NSD3: variants seen among roughly 807,000 people sequenced by gnomAD.
The protein encoded by NSD3 is nuclear receptor binding SET domain protein 3, also known as histone-lysine N-methyltransferase NSD3.
A neutral mutation model predicts 160.8 loss-of-function variants in NSD3; 24 were observed. The ratio of observed to expected loss-of-function variants is 0.15; its 90% confidence interval spans 0.11 to 0.21. The LOEUF is 0.21. Among genes scored for constraint, NSD3 ranks in the 10% least tolerant of loss-of-function variants. The probability of loss-of-function intolerance (pLI) is 1.00; values close to 1 mark genes in which losing one functional copy is unlikely to be tolerated. For missense variants in NSD3, 1,157 were observed against 1,735.9 expected, an observed-to-expected ratio of 0.67 and a Z score of 5.93; for synonymous variants, 520 against 600.0, an observed-to-expected ratio of 0.87 and a Z score of 1.95.
Position 38,272,820 on chromosome 8 carries a change from A to G in NSD3, c.*2821T>C, listed in dbSNP as rs1412702238. 1.3e-5 allele frequency: 2 copies of G among 152,234 alleles called. No individual in the cohort carries two copies. The highest frequency in any genetic ancestry group is 2.4e-5 in the African/African-American group (1 of 41,462). 9.4% of individuals were successfully genotyped at this position (152,234 alleles called of 1,614,324 possible). A position where few individuals can be genotyped will look rare whatever the true frequency, so the allele number is the denominator to read the frequency against. ...TGAGCAATGTCTTTTGGAATATTTC[A>G]TTGGTGTATCACAGGCACAGTGCAT... On this transcript the variant is annotated 3_prime_UTR_variant, in exon 24 of 24. Transcript: ENST00000317025.
At chr8:38,338,909 A>C (rs1810289866) in intron 2 of NSD3, among the ~76,000 whole-genome samples, 1 of 152,152 alleles carries the variant, frequency 6.6e-6, no homozygotes, top group Non-Finnish European at 1.5e-5. Context: ...TGGGAGGCTA[A>C]GGCAGGCAGA....
intron 17 of NSD3, among the ~76,000 whole-genome samples, chr8:38,290,109 G>A (rs1401901805): frequency 2.0e-5 from 3 of 151,896 alleles, no homozygotes; most frequent in Non-Finnish European, 4.4e-5. Flanking sequence ...CCAGCTACTC[G>A]GGAGGCTGAG....
chr8:38,325,783 G>C (rs1287040518), intron 7 of NSD3, among the ~76,000 whole-genome samples: 1 of 151,962 alleles, frequency 6.6e-6, no homozygotes, highest in Admixed American at 6.6e-5. Flanking sequence ...CCTGAGCCTG[G>C]GAGGTCGAGG....
At chr8:38,323,204 G>A (rs1239341153) in intron 7 of NSD3, among the ~76,000 whole-genome samples, 2 of 151,990 alleles carry the variant, frequency 1.3e-5, no homozygotes, top group Non-Finnish European at 2.9e-5. Context: ...ACAGGCGTGC[G>A]CCACCATGCC....
chr8:38,308,518 A>C (rs1809458798), intron 12 of NSD3, among the ~76,000 whole-genome samples: 1 of 152,214 alleles, frequency 6.6e-6, no homozygotes, highest in Non-Finnish European at 1.5e-5. Context: ...TACTCTCTGT[A>C]AAAATAAAAT....
At chr8:38,311,197 G>T (rs10089177) in intron 12 of NSD3, among the ~76,000 whole-genome samples, 2 of 151,586 alleles carry the variant, frequency 1.3e-5, no homozygotes, top group Non-Finnish European at 2.9e-5. Flanking sequence ...TTACAGGCAT[G>T]AGCCATTGCA....
At chr8:38,371,609 C>T (rs1244503385) in intron 1 of NSD3, among the ~76,000 whole-genome samples, 6 of 152,114 alleles carry the variant, frequency 3.9e-5, no homozygotes, top group Non-Finnish European at 5.9e-5. Context: ...TGCTATTGCA[C>T]TACAGAAAAG....
Position 38,299,573 on chromosome 8 carries a change from G to T in NSD3, c.2629C>A (p.His877Asn), listed in dbSNP as rs1161933636. The part of the protein sequence containing the change: ...VCARGLIVQD[H>N]SDPMFSSYAY... ...TATGAACTGAACATGGGGTCTGAAT[G>T]GTCCTGAACTATCAGCCCTATACGA... Residue 877 changes from histidine to asparagine, a missense_variant, in exon 15 of 24, where the codon CAT becomes AAT. Physicochemically the swap from His to Asn is moderately conservative, Grantham distance 68 (BLOSUM62 1). Coordinates refer to ENST00000317025, the MANE Select transcript of NSD3 (RefSeq NM_023034.2). 2 of 1,605,228 alleles carry T rather than the reference G, an allele frequency of 1.2e-6. No homozygotes were observed. The highest frequency in any genetic ancestry group is 1.7e-6 in the Non-Finnish European group (2 of 1,176,612).
In NSD3 at chr8:38,316,376, T is replaced by C. The variant is rs1809664035; in HGVS notation, c.1856-334A>G. On this transcript the variant is annotated intron_variant, in intron 9 of 23. Transcript: ENST00000317025. The surrounding 1 kb of genome is among the most constrained non-coding windows in gnomAD (Gnocchi z 4.5). ...GGATTTGGAGCAATTCAAAGAACCA[T>C]TCAATTTGGAGGGGGAAGACATAAA... 1 of 1,088,796 alleles carries C rather than the reference T, an allele frequency of 9.2e-7. No individual in the cohort carries two copies. Among genetic ancestry groups the C allele is most frequent in the Non-Finnish European group, 1.1e-6 (1 of 892,354 alleles). 67.4% of individuals were successfully genotyped at this position (1,088,796 alleles called of 1,614,324 possible). A position where few individuals can be genotyped will look rare whatever the true frequency, so the allele number is the denominator to read the frequency against.
Position 38,290,653 on chromosome 8 carries a change from G to A in NSD3, c.2940C>T (p.Asn980=). The change falls in exon 17 of 24, where the codon AAC becomes AAT. Residue 980 remains asparagine, a synonymous_variant. Coordinates refer to ENST00000317025, the MANE Select transcript of NSD3 (RefSeq NM_023034.2). ...NYRWWPAEIC[N]PRSVPLNIQG... ...GGATGTTCAGTGGCACAGACCTGGG[G>A]TTGCAGATCTCTGCTGGCCACCATC... The A allele has an allele frequency of 1.2e-6, 2 of 1,613,882 alleles. No homozygotes were observed. The highest frequency in any genetic ancestry group is 1.1e-5 in the South Asian group (1 of 91,070).
chr8:38,276,383 C>A lies in NSD3; in HGVS notation c.3985G>T (p.Asp1329Tyr), dbSNP rs2130979460. 6.2e-7 allele frequency: 1 copy of A among 1,614,252 alleles called. No individual in the cohort carries two copies. The highest frequency in any genetic ancestry group is 1.3e-5 in the African/African-American group (1 of 75,054). ...MHEDYCFQCG[D>Y]GGELVMCDKK... ...TCACACATGACCAGCTCTCCACCAT[C>A]TCCACATTGAAAACAGTAATCTTCA... The change falls in exon 23 of 24, where the codon GAT (aspartate) becomes TAT (tyrosine). Residue 1329 changes from aspartate (D) to tyrosine (Y), a missense_variant. Around this residue, in one of 10 missense-constraint regions of NSD3, gnomAD observed 222 missense variants for 409.9 expected, o/e 0.54. Transcript: ENST00000317025.
chr8:38,350,976 T>TC (rs1172357481), intron 1 of NSD3, among the ~76,000 whole-genome samples: 1 of 149,778 alleles, frequency 6.7e-6, no homozygotes, highest in African/African-American at 2.4e-5. Context: ...GAAAGTTCTT[T>TC]TTTTTTTTTT....
intron 7 of NSD3, among the ~76,000 whole-genome samples, chr8:38,323,835 A>G (rs1809847604): frequency 6.6e-6 from 1 of 151,764 alleles, no homozygotes; most frequent in East Asian, 1.9e-4. Flanking sequence ...AAAAAAAAAA[A>G]AAAAAAAAAT....
chr8:38,314,156 T>A (rs1448695169), intron 12 of NSD3, among the ~76,000 whole-genome samples: 3 of 152,226 alleles, frequency 2.0e-5, no homozygotes, highest in Admixed American at 6.5e-5. Context: ...AACTAGCATA[T>A]TTATTTCTCT....
chr8:38,304,956 A>G (rs558587497), intron 13 of NSD3, among the ~76,000 whole-genome samples, 199 bp from the exon 14 acceptor site: 7 of 152,320 alleles, frequency 4.6e-5, no homozygotes, highest in African/African-American at 1.4e-4. Context: ...CGTAGAGATC[A>G]TCCAAAGAAA....
intron 1 of NSD3, among the ~76,000 whole-genome samples, chr8:38,355,718 TGATAAA>T (rs1159038704): frequency 3.3e-5 from 5 of 152,232 alleles, no homozygotes; most frequent in African/African-American, 1.2e-4. Flanking sequence ...AATAAATCCC[TGATAAA>T]GATAATGTGT....
rs1474282577 is a variant in NSD3 at position 38,317,977 on chromosome 8, C to A, written c.1855+918G>T. 1.2e-6 allele frequency: 2 copies of A among 1,614,086 alleles called. No homozygotes were observed. The highest frequency in any genetic ancestry group is 2.7e-5 in the African/African-American group (2 of 74,918). ...AATCTCAGTCCACAGTTTCCTCAAT[C>A]GCTGCGGAGACGGAGCTGTCACTGA... On this transcript the variant is annotated intron_variant, in intron 9 of 23. Coordinates refer to ENST00000317025, the MANE Select transcript of NSD3 (RefSeq NM_023034.2). This position sits in a 1 kb window ranked among gnomAD's most constrained non-coding sequence, Gnocchi z 5.3.
At chr8:38,364,235 C>A (rs189352645) in intron 1 of NSD3, among the ~76,000 whole-genome samples, 95 of 152,198 alleles carry the variant, frequency 6.2e-4, no homozygotes, top group African/African-American at 2.2e-3. Flanking sequence ...CAAGATCGTG[C>A]CACTGCACTC....
chr8:38,372,515 GAC>G (rs1318686557), intron 1 of NSD3, among the ~76,000 whole-genome samples: 1 of 141,542 alleles, frequency 7.1e-6, no homozygotes, highest in Non-Finnish European at 1.5e-5. Context: ...TTTTTTTTGA[GAC>G]ACAGTTTCGC....
Sources: gnomAD v4.1 joint callset for allele counts (sites outside exome capture counted in the v4.1 genomes callset) on GRCh38, gnomAD v4.1.1 for gene constraint, gnomAD v4.1.1 regional missense constraint, Gnocchi (gnomAD v3.1) non-coding constraint, MANE v1.5 for transcripts, NCBI Gene and HGNC (gene_info 2026-07-23, HGNC 2026-07-21) for gene names.